TBC1D22A: variants seen among roughly 807,000 people sequenced by gnomAD.
TBC1D22A encodes putative GTPase activator.
In TBC1D22A, 38 loss-of-function variants were observed where a neutral mutation model predicts 60.2. That is an observed-to-expected ratio of 0.63 (90% CI 0.49 to 0.83). The LOEUF (loss-of-function observed/expected upper bound fraction) is 0.83. Ranked by LOEUF, TBC1D22A falls within the 40% of genes least tolerant of loss-of-function variation. The pLI is 0.00. For missense variants in TBC1D22A, 628 were observed against 701.0 expected, an observed-to-expected ratio of 0.90 and a Z score of 1.18; for synonymous variants, 302 against 281.7, an observed-to-expected ratio of 1.07 and a Z score of -0.72.
chr22:46,884,369 G>C (rs1050159887), intron 5 of TBC1D22A, among the ~76,000 whole-genome samples: 6 of 152,218 alleles, frequency 3.9e-5, no homozygotes, highest in Admixed American at 2.6e-4. Context: ...ATTCTGTGGA[G>C]AGGGCTTACC....
At chr22:47,137,470 C>G (rs1165753030) in intron 12 of TBC1D22A, among the ~76,000 whole-genome samples, 1 of 152,194 alleles carries the variant, frequency 6.6e-6, no homozygotes, top group Non-Finnish European at 1.5e-5. Context: ...CATCCTGCAC[C>G]TCCCTGCACC....
intron 4 of TBC1D22A, among the ~76,000 whole-genome samples, chr22:46,840,819 A>C (rs558771109): frequency 6.6e-6 from 1 of 152,118 alleles, no homozygotes; most frequent in African/African-American, 2.4e-5. Context: ...TGGGAATGTA[A>C]ATTGATATAG....
At chr22:47,063,124 G>A (rs131932) in intron 11 of TBC1D22A, among the ~76,000 whole-genome samples, 71,371 of 151,740 alleles carry the variant, frequency 0.47, 17,478 homozygotes, top group East Asian at 0.59. Flanking sequence ...GACAGAAGGA[G>A]GAGTCTAGGC....
At chr22:47,168,262 GAC>G (rs2068283131) in intron 12 of TBC1D22A, among the ~76,000 whole-genome samples, 1 of 149,022 alleles carries the variant, frequency 6.7e-6, no homozygotes, top group African/African-American at 2.5e-5. Context: ...GGGATATAGG[GAC>G]ACACAGACCT....
intron 7 of TBC1D22A, among the ~76,000 whole-genome samples, chr22:46,895,421 T>C (rs775312080): frequency 2.6e-5 from 4 of 152,218 alleles, no homozygotes; most frequent in Non-Finnish European, 5.9e-5. Flanking sequence ...TCGCCCAGGC[T>C]GGAGTACAGT....
chr22:46,767,152 G>A (rs1422679547), intron 1 of TBC1D22A, among the ~76,000 whole-genome samples: 3 of 152,144 alleles, frequency 2.0e-5, no homozygotes, highest in South Asian at 4.1e-4. Flanking sequence ...TGTGGCTGAC[G>A]CTTTCCTAGA....
At chr22:47,141,576 G>T (rs78631133) in intron 12 of TBC1D22A, among the ~76,000 whole-genome samples, 107 of 152,312 alleles carry the variant, frequency 7.0e-4, no homozygotes, top group Non-Finnish European at 1.3e-3. Context: ...TGGGCTTCCA[G>T]CTTCGTCGGC....
At chr22:46,907,288 G>A (rs2069557537) in intron 7 of TBC1D22A, among the ~76,000 whole-genome samples, 1 of 152,108 alleles carries the variant, frequency 6.6e-6, no homozygotes, top group African/African-American at 2.4e-5. Context: ...TATCTTCCCT[G>A]TCCCTTTCAA....
chr22:46,996,428 G>C (rs554060569), intron 9 of TBC1D22A, among the ~76,000 whole-genome samples: 1 of 152,370 alleles, frequency 6.6e-6, no homozygotes, highest in East Asian at 1.9e-4. Flanking sequence ...CCCAGGCACA[G>C]TGCCCGTTGT....
intron 1 of TBC1D22A, among the ~76,000 whole-genome samples, chr22:46,765,657 G>C (rs554413927): frequency 6.6e-6 from 1 of 151,998 alleles, no homozygotes; most frequent in East Asian, 1.9e-4. Context: ...AGTAGAGATG[G>C]GGTTTCGCCA....
intron 5 of TBC1D22A, among the ~76,000 whole-genome samples, chr22:46,890,658 A>G (rs1193435504): frequency 6.6e-6 from 1 of 152,194 alleles, no homozygotes; most frequent in Non-Finnish European, 1.5e-5. Flanking sequence ...AGTCTGGCCC[A>G]GGAATCAGGC....
chr22:46,860,992 T>A (rs1010908870), intron 4 of TBC1D22A, among the ~76,000 whole-genome samples: 29 of 152,198 alleles, frequency 1.9e-4, no homozygotes, highest in South Asian at 1.0e-3. Context: ...AATTTTTTTT[T>A]AAGGCAGGGT....
chr22:46,997,806 T>G, intron 10 of TBC1D22A, 97 bp downstream of exon 10: 3 of 1,118,110 alleles, frequency 2.7e-6, no homozygotes, highest in Non-Finnish European at 4.0e-6. Context: ...GCCGGCAGCA[T>G]CCTGGCCTGC....
intron 10 of TBC1D22A, among the ~76,000 whole-genome samples, chr22:46,999,149 G>T (rs1198629795): frequency 6.6e-6 from 1 of 152,178 alleles, no homozygotes; most frequent in Non-Finnish European, 1.5e-5. Flanking sequence ...CGTTTGTTCC[G>T]GTGCTGCAGT....
At chr22:46,919,030 C>A (rs953268179) in intron 8 of TBC1D22A, among the ~76,000 whole-genome samples, 43 of 152,172 alleles carry the variant, frequency 2.8e-4, no homozygotes, top group Non-Finnish European at 5.9e-4. Context: ...CGTTTACCCA[C>A]TTAGAGTGTA....
At chr22:47,018,277 T>C (rs928858421) in intron 10 of TBC1D22A, among the ~76,000 whole-genome samples, 2 of 152,262 alleles carry the variant, frequency 1.3e-5, no homozygotes, top group African/African-American at 2.4e-5. Context: ...CGTGTTCTGC[T>C]GGATGCGTGT....
intron 12 of TBC1D22A, among the ~76,000 whole-genome samples, chr22:47,141,525 G>A (rs2067084832): frequency 6.6e-6 from 1 of 152,228 alleles, no homozygotes; most frequent in African/African-American, 2.4e-5. Flanking sequence ...CAGCTGGTAT[G>A]TGGCACTGTG....
At chr22:47,074,027 G>A (rs141342783) in intron 11 of TBC1D22A, among the ~76,000 whole-genome samples, 4 of 152,242 alleles carry the variant, frequency 2.6e-5, no homozygotes, top group South Asian at 2.1e-4. Flanking sequence ...AGGATCAGTC[G>A]GGCCCCGGAG....
intron 12 of TBC1D22A, among the ~76,000 whole-genome samples, chr22:47,166,683 G>T (rs781714210): frequency 6.6e-6 from 1 of 152,258 alleles, no homozygotes; most frequent in South Asian, 2.1e-4. Flanking sequence ...ACGCCCTGCA[G>T]GGCTGTGGGC....
Sources: gnomAD v4.1 joint callset for allele counts (sites outside exome capture counted in the v4.1 genomes callset) on GRCh38, gnomAD v4.1.1 for gene constraint, MANE v1.5 for transcripts, NCBI Gene and HGNC (gene_info 2026-07-23, HGNC 2026-07-21) for gene names.